The following DAPK2 variants were observed in gnomAD, a reference collection of about 807,000 sequenced individuals.
DAPK2 encodes the protein death associated protein kinase 2, also known as death-associated protein kinase 2.
A neutral mutation model predicts 44.1 loss-of-function variants in DAPK2; 35 were observed. The ratio of observed to expected loss-of-function variants is 0.79; its 90% CI spans 0.61 to 1.05. The LOEUF is 1.05. Among genes scored for constraint, DAPK2 ranks in the 50% least tolerant of loss-of-function variants. The probability of loss-of-function intolerance (pLI) is 0.00; values close to 1 mark genes in which losing one functional copy is unlikely to be tolerated. For missense variants in DAPK2, 453 were observed against 483.2 expected (o/e 0.94, Z 0.59); for synonymous variants, 174 against 182.6 (o/e 0.95, Z 0.38).
intron 1 of DAPK2, among the ~76,000 whole-genome samples, chr15:64,023,896 T>A (rs2079761692): frequency 6.6e-6 from 1 of 152,214 alleles, no homozygotes; most frequent in South Asian, 2.1e-4. Flanking sequence ...AGATGGCTTT[T>A]TGTTTAAGAA....
chr15:63,923,467 G>A lies in DAPK2; in HGVS notation c.858+1349C>T, dbSNP rs2079146563. 3 of 1,446,750 alleles carry A rather than the reference G, an allele frequency of 2.1e-6. No homozygotes were observed. Among genetic ancestry groups the A allele is most frequent in the Non-Finnish European group, 2.7e-6 (3 of 1,102,924 alleles). The allele number at this position is 1,446,750 out of a possible 1,614,324, so 89.6% of individuals were successfully genotyped here. A position where few individuals can be genotyped will look rare whatever the true frequency, so the allele number is the denominator to read the frequency against. On this transcript the variant is annotated intron_variant, in intron 8 of 10. Coordinates refer to ENST00000261891, the Ensembl canonical transcript of DAPK2. The surrounding 1 kb of genome is among the most constrained non-coding windows in gnomAD (Gnocchi z 4.2). ...CATTCACTGCATGCGTCAGGCCATG[G>A]GGAGAACCAGGGTGGGATGAGCACC... is the stretch of plus-strand genomic sequence containing the variant.
At chr15:63,956,862 C>T (rs1007175098) in intron 3 of DAPK2, among the ~76,000 whole-genome samples, 2 of 152,226 alleles carry the variant, frequency 1.3e-5, no homozygotes, top group Non-Finnish European at 2.9e-5. Flanking sequence ...GCTGGGATTA[C>T]AGGCGTGAGC....
chr15:63,918,796 G>A (rs532787067), intron 8 of DAPK2: 1 of 152,452 alleles, frequency 6.6e-6, no homozygotes, highest in African/African-American at 2.4e-5. Context: ...AGTGAGCCGA[G>A]ATCATGCCAC....
At chr15:63,993,563 CA>C (rs1445111049) in intron 1 of DAPK2, among the ~76,000 whole-genome samples, 25 of 151,844 alleles carry the variant, frequency 1.6e-4, no homozygotes, top group Non-Finnish European at 2.9e-5. Flanking sequence ...CTCTGTTTCT[CA>C]AAATGTTTGT....
intron 1 of DAPK2, among the ~76,000 whole-genome samples, chr15:63,984,178 A>T (rs1006138487): frequency 6.6e-6 from 1 of 152,150 alleles, no homozygotes; most frequent in African/African-American, 2.4e-5. Context: ...TAACAAGGTT[A>T]ATCATCATAG....
chr15:63,969,366 G>T (rs1213476975), intron 3 of DAPK2, among the ~76,000 whole-genome samples: 2 of 152,142 alleles, frequency 1.3e-5, no homozygotes, highest in Admixed American at 1.3e-4. Flanking sequence ...TCTGCAGTGA[G>T]CTGAGATCAC....
intron 1 of DAPK2, among the ~76,000 whole-genome samples, chr15:63,989,444 G>A (rs1369861324): frequency 6.6e-6 from 1 of 152,148 alleles, no homozygotes; most frequent in South Asian, 2.1e-4. Context: ...ATTGGGCCAG[G>A]GAACAGGGCT....
intron 1 of DAPK2, among the ~76,000 whole-genome samples, chr15:63,987,995 G>A (rs2078711260): frequency 6.6e-6 from 1 of 152,190 alleles, no homozygotes; most frequent in African/African-American, 2.4e-5. Flanking sequence ...AGGTGTGGGT[G>A]GGTGGGAACT....
At chr15:63,926,831 G>A (rs537322436) in intron 6 of DAPK2, among the ~76,000 whole-genome samples, 4 of 152,236 alleles carry the variant, frequency 2.6e-5, no homozygotes, top group South Asian at 4.1e-4. Flanking sequence ...AAATGTACCC[G>A]AGCTAGAAGC....
chr15:63,984,173 A>G (rs2078608319), intron 1 of DAPK2, among the ~76,000 whole-genome samples: 1 of 152,162 alleles, frequency 6.6e-6, no homozygotes, highest in African/African-American at 2.4e-5. Flanking sequence ...CAGCCTAACA[A>G]GGTTAATCAT....
rs561061522 is a variant in DAPK2, at chr15:63,939,938, A to G, written c.454-577T>C. On this transcript the variant is annotated intron_variant, in intron 3 of 10. Coordinates refer to ENST00000261891, the Ensembl canonical transcript of DAPK2. The surrounding 1 kb of genome is among the most constrained non-coding windows in gnomAD (Gnocchi z 4.3). ...CTAATTTTGGTCCTCAGCAGGACACAGGAAAAATGCACCCGATTTCCAGGG... is the reference window on the plus strand; with the variant it reads ...CTAATTTTGGTCCTCAGCAGGACACGGGAAAAATGCACCCGATTTCCAGGG... Among the ~76,000 whole-genome samples the G allele has an allele frequency of 7.9e-5, 12 of 152,380 alleles. No individual in the cohort carries two copies. The South Asian group carries it at 2.3e-3, about 29-fold the overall frequency.
intron 4 of DAPK2, among the ~76,000 whole-genome samples, chr15:63,937,544 C>G (rs555076585): frequency 1.4e-3 from 217 of 152,256 alleles, no homozygotes; most frequent in Middle Eastern, 6.8e-3. Flanking sequence ...ATCAGTGAAC[C>G]TGGGAGGTGT....
intron 1 of DAPK2, among the ~76,000 whole-genome samples, chr15:64,010,433 C>T (rs2079359161): frequency 6.6e-6 from 1 of 152,208 alleles, no homozygotes. Context: ...ACTTTCCCAA[C>T]TACAGTTTTC....
intron 1 of DAPK2, among the ~76,000 whole-genome samples, chr15:64,027,235 C>G (rs1164226948): frequency 6.6e-6 from 1 of 151,964 alleles, no homozygotes; most frequent in East Asian, 1.9e-4. Flanking sequence ...TACAAAAAAA[C>G]TAACCAGGCG....
At position 63,930,291 on chromosome 15, in the gene DAPK2, C is replaced by T. The variant is rs1163644537; in HGVS notation, c.632+116G>A. Reference sequence around the variant, plus strand: ...CGGGGGAGCAGCCAGAGGCTCTGAACAGTGAGTGTGGAGTAAGGGGCTTTC... The same window carrying T: ...CGGGGGAGCAGCCAGAGGCTCTGAATAGTGAGTGTGGAGTAAGGGGCTTTC... On this transcript the variant is annotated intron_variant, in intron 5 of 10. Transcript: ENST00000261891. 19 of 1,033,974 alleles carry T rather than the reference C, an allele frequency of 1.8e-5. No homozygotes were observed. In the Admixed American group the frequency reaches 3.1e-4, roughly 17 times the overall value. The allele number at this position is 1,033,974 out of a possible 1,614,324, so 64.0% of individuals were successfully genotyped here. A position where few individuals can be genotyped will look rare whatever the true frequency, so the allele number is the denominator to read the frequency against.
rs76009831 is a variant in DAPK2, at chr15:63,990,726, G to T, written c.93-6972C>A. Among the ~76,000 whole-genome samples, 2 of 152,150 alleles carry T rather than the reference G, an allele frequency of 1.3e-5. No individual in the cohort carries two copies. The highest frequency in any genetic ancestry group is 6.5e-5 in the Admixed American group (1 of 15,280). On this transcript the variant is annotated intron_variant, in intron 1 of 10. Coordinates refer to ENST00000261891, the Ensembl canonical transcript of DAPK2. This position sits in a 1 kb window ranked among gnomAD's most constrained non-coding sequence, Gnocchi z 4.3. ...TTTCCACTCTGGAGAACAATGAGCC[G>T]TGATTCCTCTGGAATTACCCTGCGA...
chr15:64,000,833 T>C (rs2079065984), intron 1 of DAPK2, among the ~76,000 whole-genome samples: 1 of 152,092 alleles, frequency 6.6e-6, no homozygotes. Context: ...GGGGGCACCC[T>C]CTGACTGCTT....
At position 63,971,576 on chromosome 15, in the gene DAPK2, C is replaced by T. The variant is rs368355225; in HGVS notation, c.315-15G>A. 42 of 1,612,822 alleles carry T rather than the reference C, an allele frequency of 2.6e-5. No homozygotes were observed. In the African/African-American group the frequency reaches 4.0e-4, roughly 15 times the overall value. Reference sequence around the variant, plus strand: ...CTCCAGACACTCTGTAAAACACCAGCGGGGGGAGGGGAGGCCCAGGCCCAG... The same window carrying T: ...CTCCAGACACTCTGTAAAACACCAGTGGGGGGAGGGGAGGCCCAGGCCCAG... On this transcript the variant is annotated splice_polypyrimidine_tract_variant and intron_variant, in intron 2 of 10. Transcript: ENST00000261891.
intron 1 of DAPK2, among the ~76,000 whole-genome samples, chr15:64,015,573 C>T (rs1374919848): frequency 6.6e-6 from 1 of 152,138 alleles, no homozygotes; most frequent in East Asian, 1.9e-4. Flanking sequence ...CACATGTGAC[C>T]ATGACCTCAT....
Sources: allele counts gnomAD v4.1 joint callset (sites outside exome capture counted in the v4.1 genomes callset), GRCh38; gene constraint gnomAD v4.1.1; non-coding constraint Gnocchi (gnomAD v3.1); transcripts MANE v1.5; gene names NCBI Gene and HGNC (gene_info 2026-07-23, HGNC 2026-07-21).